The following MIPOL1 variants were observed in gnomAD, a reference collection of about 807,000 sequenced individuals.
The protein encoded by MIPOL1 is mirror-image polydactyly gene 1 protein.
A neutral mutation model predicts 60.9 loss-of-function variants in MIPOL1; 57 were observed. That is an observed-to-expected ratio of 0.94 (90% CI 0.76 to 1.17). The LOEUF (loss-of-function observed/expected upper bound fraction) is 1.17, where lower values mean the gene tolerates loss of function less well. Ranked by LOEUF, MIPOL1 falls within the 50% of genes most tolerant of loss-of-function variation. MIPOL1 has a pLI of 0.00. For synonymous variants in MIPOL1, 179 were observed against 168.8 expected (o/e 1.06, Z -0.47); for missense variants, 551 against 511.6 (o/e 1.08, Z -0.74).
chr14:37,428,359 G>A (rs1476474184), intron 11 of MIPOL1, among the ~76,000 whole-genome samples: 1 of 152,194 alleles, frequency 6.6e-6, no homozygotes, highest in African/African-American at 2.4e-5. Flanking sequence ...CACTTTGGGA[G>A]GCTGGCGGAT....
chr14:37,306,704 A>C (rs2086811234), intron 7 of MIPOL1, among the ~76,000 whole-genome samples: 1 of 151,876 alleles, frequency 6.6e-6, no homozygotes, highest in Non-Finnish European at 1.5e-5. Context: ...AATAAATGTA[A>C]GAATTTTATT....
intron 1 of MIPOL1, among the ~76,000 whole-genome samples, chr14:37,202,532 A>G (rs1179291197): frequency 1.3e-5 from 2 of 152,150 alleles, no homozygotes; most frequent in African/African-American, 4.8e-5. Flanking sequence ...ACAAATTATT[A>G]TGGGTAATAA....
At position 37,519,750 on chromosome 14, in the gene MIPOL1, T is replaced by G. The variant is rs559978811; in HGVS notation, c.1262+19612T>G. 5.3e-5 allele frequency among the ~76,000 whole-genome samples: 8 copies of G among 152,240 alleles called. No homozygotes were observed. The East Asian group carries it at 1.5e-3, about 29-fold the overall frequency. On this transcript the variant is annotated intron_variant, in intron 12 of 12. Coordinates refer to ENST00000684589, the MANE Select transcript of MIPOL1 (RefSeq NM_001388067.1). Reference sequence around the variant, plus strand: ...AATAGTAATAATGATAATGTTAACTTGCTAAGTTATCCTGACTTGTATGAT... The same window carrying G: ...AATAGTAATAATGATAATGTTAACTGGCTAAGTTATCCTGACTTGTATGAT...
At chr14:37,270,587 T>TATCTTGGTGA in intron 6 of MIPOL1, 62 bp downstream of exon 6, 1 of 826,518 alleles carries the variant, frequency 1.2e-6, no homozygotes, top group Admixed American at 3.1e-5. Context: ...TTATATGATG[T>TATCTTGGTGA]ATCTTGGTGA....
At chr14:37,501,814 C>T (rs983392473) in intron 12 of MIPOL1, 2 of 152,242 alleles carry the variant, frequency 1.3e-5, no homozygotes, top group Non-Finnish European at 2.9e-5. Flanking sequence ...CTGGGAAGCA[C>T]AAGGTGTCGG....
intron 5 of MIPOL1, among the ~76,000 whole-genome samples, chr14:37,269,424 A>G (rs986833525): frequency 9.2e-5 from 14 of 151,848 alleles, no homozygotes; most frequent in Non-Finnish European, 1.6e-4. Context: ...TGATTTTAAT[A>G]TTCTAGTTGT....
At chr14:37,349,875 T>A (rs1048446270) in intron 9 of MIPOL1, among the ~76,000 whole-genome samples, 2 of 152,224 alleles carry the variant, frequency 1.3e-5, no homozygotes, top group African/African-American at 4.8e-5. Flanking sequence ...AGTCATTGCT[T>A]AATATTGGTT....
intron 10 of MIPOL1, among the ~76,000 whole-genome samples, chr14:37,412,178 T>A (rs1041516523): frequency 2.6e-5 from 4 of 152,162 alleles, no homozygotes; most frequent in Non-Finnish European, 5.9e-5. Flanking sequence ...ATGTGGAAGC[T>A]CTTTGGAAAT....
intron 11 of MIPOL1, among the ~76,000 whole-genome samples, chr14:37,445,495 G>T (rs912466620): frequency 3.0e-3 from 459 of 151,314 alleles, no homozygotes; most frequent in African/African-American, 0.011. Context: ...TGGCCATACT[G>T]CCCAAGGTAA....
At chr14:37,360,191 G>C (rs1055706183) in intron 9 of MIPOL1, among the ~76,000 whole-genome samples, 8 of 152,092 alleles carry the variant, frequency 5.3e-5, no homozygotes, top group African/African-American at 1.9e-4. Context: ...TGGCGGATAA[G>C]CTTTTTGATG....
intron 11 of MIPOL1, among the ~76,000 whole-genome samples, chr14:37,468,293 A>G (rs2094629489): frequency 6.6e-6 from 1 of 152,130 alleles, no homozygotes; most frequent in South Asian, 2.1e-4. Context: ...GGCTTCCAGT[A>G]GCACTTCTTT....
In MIPOL1 at chr14:37,499,987, A is replaced by T. The variant is rs1463782311; in HGVS notation, c.1111A>T (p.Lys371Ter). Residue 371 changes from lysine to a stop codon, truncating the protein, a stop_gained, in exon 12 of 13, where the codon AAA becomes TAA. Coordinates refer to ENST00000684589, the MANE Select transcript of MIPOL1 (RefSeq NM_001388067.1). LOFTEE classifies it high-confidence loss of function. ...CCTTAGTACATATGAAGAAGCTTTA[A>T]AAAACAGAGAGAACATTGTTTCCAT... ...YTLSTYEEALKNRENIVSITQ... is the reference protein window; with the variant it reads ...YTLSTYEEAL The T allele has an allele frequency of 6.2e-7, 1 of 1,613,550 alleles. No individual in the cohort carries two copies. Among genetic ancestry groups the T allele is most frequent in the Non-Finnish European group, 8.5e-7 (1 of 1,179,618 alleles).
At chr14:37,405,274 A>G (rs2093565493) in intron 10 of MIPOL1, among the ~76,000 whole-genome samples, 2 of 152,262 alleles carry the variant, frequency 1.3e-5, no homozygotes, top group South Asian at 4.1e-4. Flanking sequence ...TGCTTTTCAC[A>G]TGCTTAGACA....
chr14:37,256,706 G>A (rs1292983284), intron 3 of MIPOL1, among the ~76,000 whole-genome samples: 1 of 151,140 alleles, frequency 6.6e-6, no homozygotes, highest in East Asian at 1.9e-4. Context: ...AATTTTTTTC[G>A]TTAAAAAAGC....
At chr14:37,434,059 C>T (rs1051208128) in intron 11 of MIPOL1, among the ~76,000 whole-genome samples, 15 of 152,086 alleles carry the variant, frequency 9.9e-5, no homozygotes, top group African/African-American at 1.7e-4. Flanking sequence ...GTAATGGGAT[C>T]GCTGGATCAA....
At chr14:37,494,436 T>A (rs1566712274) in intron 11 of MIPOL1, among the ~76,000 whole-genome samples, 1 of 152,196 alleles carries the variant, frequency 6.6e-6, no homozygotes, top group Non-Finnish European at 1.5e-5. Flanking sequence ...TAAGTAAGAC[T>A]TTGTCAGGTA....
At chr14:37,248,559 A>G (rs1444309963) in intron 3 of MIPOL1, among the ~76,000 whole-genome samples, 1 of 152,136 alleles carries the variant, frequency 6.6e-6, no homozygotes, top group Admixed American at 6.6e-5. Context: ...AGACACATAT[A>G]GTGAAAGAGA....
chr14:37,283,067 G>T (rs1188204065), intron 6 of MIPOL1, among the ~76,000 whole-genome samples: 2 of 151,674 alleles, frequency 1.3e-5, no homozygotes, highest in African/African-American at 2.4e-5. Flanking sequence ...CTGTTTGTTT[G>T]TTTGTTTGTT....
chr14:37,441,111 GT>G (rs2094238033), intron 11 of MIPOL1, among the ~76,000 whole-genome samples: 2 of 151,936 alleles, frequency 1.3e-5, no homozygotes, highest in South Asian at 2.1e-4. Context: ...GGATTATTTG[GT>G]TTTGCTGTTG....
Sources: gnomAD v4.1 joint callset for allele counts (sites outside exome capture counted in the v4.1 genomes callset) on GRCh38, gnomAD v4.1.1 for gene constraint, MANE v1.5 for transcripts, NCBI Gene and HGNC (gene_info 2026-07-23, HGNC 2026-07-21) for gene names.